The following FRMD6 variants were observed in gnomAD, a reference collection of about 807,000 sequenced individuals.
The protein encoded by FRMD6 is FERM domain containing 6, also known as FERM domain-containing protein 6.
Under a neutral mutation model 73.2 loss-of-function variants are expected in FRMD6, and 37 were observed. That is an observed-to-expected ratio of 0.51 (90% CI 0.39 to 0.66). The LOEUF (loss-of-function observed/expected upper bound fraction) is 0.66. Among genes scored for constraint, FRMD6 ranks in the 30% least tolerant of loss-of-function variants. FRMD6 has a pLI of 0.00. For synonymous variants in FRMD6, 273 were observed against 282.2 expected, an observed-to-expected ratio of 0.97 and a Z score of 0.33; for missense variants, 714 against 780.5, an observed-to-expected ratio of 0.91 and a Z score of 1.02.
intron 1 of FRMD6, among the ~76,000 whole-genome samples, chr14:51,655,471 G>A (rs555260859): frequency 2.6e-5 from 4 of 152,150 alleles, no homozygotes; most frequent in African/African-American, 9.6e-5. Flanking sequence ...TGTTATCGTT[G>A]GTCTCTGTGG....
chr14:51,617,026 G>C (rs1198902108), intron 2 of FRMD6, among the ~76,000 whole-genome samples: 1 of 152,210 alleles, frequency 6.6e-6, no homozygotes, highest in African/African-American at 2.4e-5. Flanking sequence ...GATGGGTATA[G>C]CTTTCCCGTT....
chr14:51,648,199 T>G (rs1451709619), upstream of FRMD6, among the ~76,000 whole-genome samples: 1 of 152,236 alleles, frequency 6.6e-6, no homozygotes, highest in East Asian at 1.9e-4. Context: ...GTCAACATAC[T>G]ATCCTGGTGT....
At position 51,594,462 on chromosome 14, in the gene FRMD6, G is replaced by A. The variant is rs533283002; in HGVS notation, c.-147+24052G>A. Among the ~76,000 whole-genome samples, 18 of 152,234 alleles carry A rather than the reference G, an allele frequency of 1.2e-4. No homozygotes were observed. The East Asian group carries it at 1.7e-3, about 15-fold the overall frequency. ...TCCTGCCTCAGCCTCCCCAGTAGCTGGGATTAGAGGCATGTGCCACCACGC... is the reference window on the plus strand; with the variant it reads ...TCCTGCCTCAGCCTCCCCAGTAGCTAGGATTAGAGGCATGTGCCACCACGC... On this transcript the variant is annotated intron_variant, in intron 2 of 14. Transcript: ENST00000356218.
chr14:51,508,438 A>G lies in FRMD6; in HGVS notation c.-210+19018A>G, dbSNP rs1203874089. ...GCTAATCACGTTATTTACATAAGAG[A>G]GCCCCGTGTGTTTCCTTCCTTTCCC... is the stretch of plus-strand genomic sequence containing the variant. On this transcript the variant is annotated intron_variant, in intron 1 of 14. Coordinates refer to the FRMD6 transcript ENST00000356218. Among the ~76,000 whole-genome samples the G allele has an allele frequency of 2.6e-5, 4 of 152,286 alleles. No individual in the cohort carries two copies. In the East Asian group the frequency reaches 7.7e-4, roughly 29 times the overall value.
chr14:51,632,953 T>C (rs1490098293), intron 2 of FRMD6, among the ~76,000 whole-genome samples: 1 of 152,226 alleles, frequency 6.6e-6, no homozygotes, highest in East Asian at 1.9e-4. Flanking sequence ...GAAATTATTA[T>C]TAAATTTGTT....
intron 2 of FRMD6, among the ~76,000 whole-genome samples, chr14:51,696,024 GA>G (rs936610921): frequency 8.6e-5 from 13 of 151,482 alleles, no homozygotes; most frequent in African/African-American, 2.4e-4. Flanking sequence ...CATTATCATT[GA>G]AAAAAAGGAT....
chr14:51,495,926 G>C (rs1456723736), intron 1 of FRMD6, among the ~76,000 whole-genome samples: 1 of 152,224 alleles, frequency 6.6e-6, no homozygotes, highest in Non-Finnish European at 1.5e-5. Flanking sequence ...GTGGTCACCA[G>C]TCTCCAAGAT....
chr14:51,697,909 G>GT, intron 2 of FRMD6: 1 of 372,854 alleles, frequency 2.7e-6, no homozygotes, highest in Non-Finnish European at 4.9e-6. Context: ...TCCATGTATG[G>GT]TAAGATCTGT....
intron 2 of FRMD6, among the ~76,000 whole-genome samples, chr14:51,693,518 G>T (rs181129068): frequency 3.3e-5 from 5 of 152,192 alleles, no homozygotes; most frequent in African/African-American, 1.2e-4. Context: ...TTGTTTTGTT[G>T]CTTTGGTTTC....
chr14:51,538,448 G>A (rs180782207), intron 1 of FRMD6, among the ~76,000 whole-genome samples: 1 of 152,050 alleles, frequency 6.6e-6, no homozygotes, highest in East Asian at 1.9e-4. Flanking sequence ...TGTGAATTTG[G>A]TGTCATAGCT....
chr14:51,728,151 A>G lies in FRMD6; in HGVS notation c.*122A>G. The G allele has an allele frequency of 1.1e-6, 1 of 886,258 alleles. No individual in the cohort carries two copies. Among genetic ancestry groups the G allele is most frequent in the Non-Finnish European group, 1.7e-6 (1 of 598,918 alleles). 54.9% of individuals were successfully genotyped at this position (886,258 alleles called of 1,614,324 possible). A position where few individuals can be genotyped will look rare whatever the true frequency, so the allele number is the denominator to read the frequency against. On this transcript the variant is annotated 3_prime_UTR_variant, in exon 14 of 14. Coordinates refer to ENST00000344768, the MANE Select transcript of FRMD6 (RefSeq NM_001267046.2). ...ACCCTAAACATAGCTCTTTCTTTAT[A>G]ATATTTGTGATGATGGAAACAAAAG...
chr14:51,451,215 A>T, the FRMD6 span, among the ~76,000 whole-genome samples: 6 of 152,330 alleles, frequency 3.9e-5, no homozygotes, highest in South Asian at 1.2e-3. Flanking sequence ...TAGGTGGACC[A>T]TTGATATAGT....
intron 1 of FRMD6, among the ~76,000 whole-genome samples, chr14:51,489,656 C>T (rs1368986651): frequency 6.6e-6 from 1 of 152,184 alleles, no homozygotes; most frequent in Non-Finnish European, 1.5e-5. Context: ...GTAACAGCCA[C>T]TGCTGTCAGG....
chr14:51,513,168 G>A (rs1382362509), intron 1 of FRMD6, among the ~76,000 whole-genome samples: 1 of 152,150 alleles, frequency 6.6e-6, no homozygotes, highest in Non-Finnish European at 1.5e-5. Context: ...CTGAACCTGG[G>A]CCTAGGACTC....
intron 1 of FRMD6, among the ~76,000 whole-genome samples, chr14:51,512,101 G>T (rs1158960138): frequency 3.3e-5 from 5 of 151,982 alleles, no homozygotes; most frequent in Non-Finnish European, 7.4e-5. Context: ...CTAACTTTTG[G>T]GTCTTGCCTC....
At position 51,701,685 on chromosome 14, in the gene FRMD6, A is replaced by G. The variant is rs966318856; in HGVS notation, c.294+526A>G. Among the ~76,000 whole-genome samples the G allele has an allele frequency of 2.7e-5, 4 of 150,854 alleles. No individual in the cohort carries two copies. The South Asian group carries it at 8.3e-4, about 31-fold the overall frequency. ...CAAGTATTAATAGCTTATAGAAAAT[A>G]ATAAATAGAATCTGGATTATCTGTT... On this transcript the variant is annotated intron_variant, in intron 4 of 13. Transcript: ENST00000344768.
the FRMD6 span, among the ~76,000 whole-genome samples, chr14:51,440,942 G>A: frequency 1.3e-5 from 2 of 152,128 alleles, no homozygotes; most frequent in African/African-American, 4.8e-5. Flanking sequence ...TAAGATTTGG[G>A]GCTGTATAAT....
At chr14:51,563,759 G>A (rs1023574400) in intron 1 of FRMD6, among the ~76,000 whole-genome samples, 19 of 152,180 alleles carry the variant, frequency 1.2e-4, no homozygotes, top group Admixed American at 1.0e-3. Context: ...AGTGAAGAAA[G>A]TATACAGAAG....
At chr14:51,660,704 A>G (rs1234420017) in intron 1 of FRMD6, among the ~76,000 whole-genome samples, 1 of 151,648 alleles carries the variant, frequency 6.6e-6, no homozygotes, top group African/African-American at 2.4e-5. Context: ...AGTATTTTGG[A>G]AGGTAATAAG....
Sources: allele counts gnomAD v4.1 joint callset (sites outside exome capture counted in the v4.1 genomes callset), GRCh38; gene constraint gnomAD v4.1.1; transcripts MANE v1.5; gene names NCBI Gene and HGNC (gene_info 2026-07-23, HGNC 2026-07-21).